CHCHD3: variants seen among roughly 807,000 people sequenced by gnomAD.
The protein encoded by CHCHD3 is MICOS complex subunit MIC19.
A neutral mutation model predicts 38.2 loss-of-function variants in CHCHD3; 20 were observed. The observed-to-expected ratio is 0.52, with a 90% CI of 0.37 to 0.76. CHCHD3 has a LOEUF of 0.76. Ranked by LOEUF, CHCHD3 falls within the 30% of genes least tolerant of loss-of-function variation. The pLI is 0.00. For missense variants in CHCHD3, 245 were observed against 279.2 expected, an observed-to-expected ratio of 0.88 and a Z score of 0.87; for synonymous variants, 82 against 100.0, an observed-to-expected ratio of 0.82 and a Z score of 1.07.
At chr7:132,816,850 G>T (rs1454202060) in intron 6 of CHCHD3, among the ~76,000 whole-genome samples, 1 of 152,090 alleles carries the variant, frequency 6.6e-6, no homozygotes, top group Non-Finnish European at 1.5e-5. Context: ...TGAGAGGATT[G>T]CCTCCCACAT....
At chr7:132,967,827 CAAA>C (rs11290365) in intron 4 of CHCHD3, among the ~76,000 whole-genome samples, 33 of 127,930 alleles carry the variant, frequency 2.6e-4, no homozygotes, top group Non-Finnish European at 2.8e-4. Flanking sequence ...GACCCTGTCT[CAAA>C]AAAAAAAAAA....
Position 132,879,716 on chromosome 7 carries a change from T to TAAAAAAAAAAAAAAAAAAAAAAAAAA in CHCHD3, c.453+5920_453+5945dup, listed in dbSNP as rs56259114. On this transcript the variant is annotated intron_variant, in intron 5 of 7. Transcript: ENST00000262570. ...AACTATCAGAACACTTTGTCAAAAG[T>TAAAAAAAAAAAAAAAAAAAAAAAAAA]AAAAAAAAAAAAAAAAAAAAAAAAA... Among the ~76,000 whole-genome samples, 3 of 38,426 alleles carry TAAAAAAAAAAAAAAAAAAAAAAAAAA rather than the reference T, an allele frequency of 7.8e-5. 1 individual carries two copies. Among genetic ancestry groups the TAAAAAAAAAAAAAAAAAAAAAAAAAA allele is most frequent in the Non-Finnish European group, 1.3e-4 (3 of 22,930 alleles). The allele number at this position is 38,426 out of a possible 152,430, so 25.2% of individuals were successfully genotyped here.
rs145977576 is a variant in CHCHD3, at chr7:132,790,529, T to G, written c.661-4869A>C. On this transcript the variant is annotated intron_variant, in intron 7 of 7. Coordinates refer to ENST00000262570, the MANE Select transcript of CHCHD3 (RefSeq NM_017812.4). Reference sequence around the variant, plus strand: ...TGTTTGCTTTGATCTGACTCTAAATTCAAAGGGCTGCCCTACCAAAAAAAT... The same window carrying G: ...TGTTTGCTTTGATCTGACTCTAAATGCAAAGGGCTGCCCTACCAAAAAAAT... Among the ~76,000 whole-genome samples the G allele has an allele frequency of 2.6e-4, 39 of 152,246 alleles. No individual in the cohort carries two copies. In the East Asian group the frequency reaches 7.3e-3, roughly 29 times the overall value.
chr7:132,892,844 G>A (rs1336395336), intron 4 of CHCHD3, among the ~76,000 whole-genome samples: 1 of 152,236 alleles, frequency 6.6e-6, no homozygotes, highest in Non-Finnish European at 1.5e-5. Context: ...GCGCACAGAA[G>A]TCAAGAATTG....
chr7:132,789,697 C>A (rs1045292823), intron 7 of CHCHD3, among the ~76,000 whole-genome samples: 1 of 152,088 alleles, frequency 6.6e-6, no homozygotes, highest in Non-Finnish European at 1.5e-5. Context: ...AACCAATCAT[C>A]ATGAAGAGAA....
chr7:132,937,527 GCTGGAAT>G (rs1258139282), intron 4 of CHCHD3, among the ~76,000 whole-genome samples: 2 of 152,042 alleles, frequency 1.3e-5, no homozygotes, highest in Admixed American at 1.3e-4. Flanking sequence ...TATTATGGGG[GCTGGAAT>G]GCATTAAATA....
Position 132,796,483 on chromosome 7 carries a change from G to A in CHCHD3, c.619C>T (p.Leu207=), listed in dbSNP as rs766938294. 13 of 1,613,948 alleles carry A rather than the reference G, an allele frequency of 8.1e-6. No homozygotes were observed. The highest frequency in any genetic ancestry group is 1.1e-5 in the Non-Finnish European group (13 of 1,179,892). ...NTHQTLKCSA[L]ATQYMHCVNH... is the part of the protein sequence containing the mutation. The stretch of plus-strand genomic sequence containing the variant: ...ACACAGTGCATATACTGGGTGGCCA[G>A]AGCGGAGCATTTGAGGGTCTGGTGG... Residue 207 remains leucine (L), a synonymous_variant, in exon 7 of 8, where the codon CTG becomes TTG. Transcript: ENST00000262570.
intron 1 of CHCHD3, among the ~76,000 whole-genome samples, chr7:133,077,499 G>A (rs557653618): frequency 3.3e-5 from 5 of 152,306 alleles, no homozygotes; most frequent in Non-Finnish European, 7.3e-5. Flanking sequence ...GCCCAGCTGC[G>A]GACATTCGTT....
intron 3 of CHCHD3, among the ~76,000 whole-genome samples, chr7:132,993,495 A>C (rs993534466): frequency 2.0e-5 from 3 of 152,186 alleles, no homozygotes; most frequent in African/African-American, 7.2e-5. Flanking sequence ...ACCTCTTCTA[A>C]GTTCTCATTT....
intron 3 of CHCHD3, among the ~76,000 whole-genome samples, chr7:132,987,943 T>G (rs1812166619): frequency 6.6e-6 from 1 of 152,170 alleles, no homozygotes; most frequent in Admixed American, 6.5e-5. Context: ...AAATATATTT[T>G]TTCTTGCTTA....
At chr7:133,034,104 C>T (rs575069561) in intron 2 of CHCHD3, among the ~76,000 whole-genome samples, 1 of 152,024 alleles carries the variant, frequency 6.6e-6, no homozygotes, top group East Asian at 1.9e-4. Context: ...TTCAAGCTGA[C>T]ACATTTCCCA....
At chr7:132,881,250 A>T (rs1052131173) in intron 5 of CHCHD3, among the ~76,000 whole-genome samples, 1 of 152,170 alleles carries the variant, frequency 6.6e-6, no homozygotes, top group Non-Finnish European at 1.5e-5. Flanking sequence ...TGAAGTGGCC[A>T]ATATAAATAC....
chr7:133,061,508 T>G (rs535882277), intron 2 of CHCHD3, among the ~76,000 whole-genome samples: 1 of 148,178 alleles, frequency 6.7e-6, no homozygotes, highest in African/African-American at 2.5e-5. Flanking sequence ...GCAAGGTGCA[T>G]GTGCATGAAG....
intron 5 of CHCHD3, among the ~76,000 whole-genome samples, chr7:132,846,303 G>A (rs146344625): frequency 1.1e-4 from 16 of 152,204 alleles, no homozygotes; most frequent in African/African-American, 1.9e-4. Context: ...GCCTGCAAGC[G>A]GGAGAGAGAC....
At chr7:132,983,357 CACAA>C (rs1436981484) in intron 3 of CHCHD3, among the ~76,000 whole-genome samples, 1 of 152,046 alleles carries the variant, frequency 6.6e-6, no homozygotes, top group African/African-American at 2.4e-5. Flanking sequence ...AATGTATGCA[CACAA>C]ACAGACTGTA....
rs1387285011 is a variant in CHCHD3 at position 133,024,603 on chromosome 7, C to T, written c.194G>A (p.Arg65Lys). The change falls in exon 3 of 8, where the codon AGA becomes AAA. Residue 65 changes from arginine (R) to lysine (K), a missense_variant. Transcript: ENST00000262570. ...CTCCAATGCCAGCTCCTCAGCTACT[C>T]TTCTTTTCAATTCTTCATCAGAAAC... Reference protein sequence around the residue: ...ASVSDEELKRRVAEELALEQA... With the variant: ...ASVSDEELKRKVAEELALEQA... The T allele has an allele frequency of 2.5e-6, 4 of 1,613,324 alleles. No individual in the cohort carries two copies. The highest frequency in any genetic ancestry group is 2.2e-5 in the East Asian group (1 of 44,892).
chr7:132,921,628 CACAACAACA>C (rs5887601), intron 4 of CHCHD3, among the ~76,000 whole-genome samples: 105 of 150,886 alleles, frequency 7.0e-4, no homozygotes, highest in Admixed American at 1.1e-3. Context: ...ATATGACACA[CACAACAACA>C]ACAACAACAA....
At chr7:132,802,009 G>T (rs1014682271) in intron 6 of CHCHD3, among the ~76,000 whole-genome samples, 1 of 152,022 alleles carries the variant, frequency 6.6e-6, no homozygotes, top group South Asian at 2.1e-4. Flanking sequence ...AGGACCTCTG[G>T]CCACCTATCC....
chr7:132,805,309 C>T (rs1033569868), intron 6 of CHCHD3, among the ~76,000 whole-genome samples: 5 of 141,938 alleles, frequency 3.5e-5, no homozygotes, highest in Admixed American at 7.2e-5. Context: ...TTCTATTGTG[C>T]GTGGACAGTG....
Sources: allele counts gnomAD v4.1 joint callset (sites outside exome capture counted in the v4.1 genomes callset), GRCh38; gene constraint gnomAD v4.1.1; transcripts MANE v1.5; gene names NCBI Gene and HGNC (gene_info 2026-07-23, HGNC 2026-07-21).